Variants in PACRGL observed in about 807,000 individuals in gnomAD.
PACRGL encodes the protein PACRG-like protein.
Under a neutral mutation model 34.5 loss-of-function variants are expected in PACRGL, and 38 were observed. The observed-to-expected ratio is 1.10, with a 90% CI of 0.85 to 1.44. The LOEUF is 1.44. PACRGL is among the 40% of genes most tolerant of loss of function. The probability of loss-of-function intolerance (pLI) is 0.00; values close to 1 mark genes in which losing one functional copy is unlikely to be tolerated. For missense variants in PACRGL, 305 were observed against 281.4 expected (o/e 1.08, Z -0.60); for synonymous variants, 128 against 100.1 (o/e 1.28, Z -1.66).
intron 8 of PACRGL, among the ~76,000 whole-genome samples, chr4:20,750,927 A>G (rs1753499074): frequency 6.6e-6 from 1 of 151,916 alleles, no homozygotes; most frequent in Non-Finnish European, 1.5e-5. Context: ...TTACTTTATG[A>G]ATTGCTTTTT....
chr4:20,730,188 ATTTT>A lies in PACRGL; in HGVS notation c.*2848_*2851del, dbSNP rs1442930014. 7.0e-5 allele frequency: 107 copies of A among 1,539,128 alleles called. No homozygotes were observed. In the African/African-American group the frequency reaches 1.3e-3, roughly 19 times the overall value. The stretch of plus-strand genomic sequence containing the variant: ...GCATATCTGCAAGGAAAAGTACACT[ATTTT>A]GCCCCTGAGTATTGCCTCCTCCCAT... On this transcript the variant is annotated 3_prime_UTR_variant, in exon 9 of 9. Transcript: ENST00000503585.
In PACRGL at chr4:20,732,113, A is replaced by G. The variant is rs1340294169; in HGVS notation, c.*4772A>G. 1 of 1,335,386 alleles carries G rather than the reference A, an allele frequency of 7.5e-7. No individual in the cohort carries two copies. The highest frequency in any genetic ancestry group is 1.2e-5 in the South Asian group (1 of 84,748). The allele number at this position is 1,335,386 out of a possible 1,614,324, so 82.7% of individuals were successfully genotyped here. On this transcript the variant is annotated 3_prime_UTR_variant, in exon 9 of 9. Coordinates refer to ENST00000503585, the MANE Select transcript of PACRGL (RefSeq NM_001258345.3). The stretch of plus-strand genomic sequence containing the variant: ...AAATTGTATTTAGACTTATCCCTTA[A>G]TACCCTCACACCTGGACCAAATGAG...
In PACRGL at chr4:20,729,889, A is replaced by ATTATGAAAAGGATGCAAAT; in HGVS notation, c.*2553_*2571dup. On this transcript the variant is annotated 3_prime_UTR_variant, in exon 9 of 9. Coordinates refer to ENST00000503585, the MANE Select transcript of PACRGL (RefSeq NM_001258345.3). ...TAGACCATCCCCTGAACTCAGTGGC[A>ATTATGAAAAGGATGCAAAT]TTATGAAAAGGATGCAAATTTATAA... The ATTATGAAAAGGATGCAAAT allele has an allele frequency of 1.9e-6, 1 of 518,206 alleles. No homozygotes were observed. The highest frequency in any genetic ancestry group is 3.2e-6 in the Non-Finnish European group (1 of 308,238). The allele number at this position is 518,206 out of a possible 1,614,324, so 32.1% of individuals were successfully genotyped here.
chr4:20,733,530 G>C (rs891586837), downstream of PACRGL, among the ~76,000 whole-genome samples: 1 of 152,050 alleles, frequency 6.6e-6, no homozygotes, highest in Non-Finnish European at 1.5e-5. Context: ...AATTATAAAT[G>C]ATAGAGTAAT....
chr4:20,713,085 G>T, intron 6 of PACRGL, 163 bp downstream of exon 6: 1 of 715,684 alleles, frequency 1.4e-6, no homozygotes, highest in African/African-American at 1.8e-5. Flanking sequence ...CTGTTACTCA[G>T]GGCCAGATAA....
chr4:20,726,278 AT>A (rs1221983896), intron 8 of PACRGL, among the ~76,000 whole-genome samples: 3 of 151,694 alleles, frequency 2.0e-5, no homozygotes, highest in Non-Finnish European at 4.4e-5. Context: ...TCCCAGAAAT[AT>A]CAAATTCTTT....
intron 7 of PACRGL, among the ~76,000 whole-genome samples, chr4:20,718,593 T>A (rs180837848): frequency 4.6e-5 from 7 of 152,326 alleles, no homozygotes; most frequent in African/African-American, 1.7e-4. Context: ...ATAATCGTGG[T>A]TTTTGTCTTT....
chr4:20,745,612 A>C (rs1344737987), intron 8 of PACRGL, among the ~76,000 whole-genome samples: 1 of 152,184 alleles, frequency 6.6e-6, no homozygotes, highest in Non-Finnish European at 1.5e-5. Context: ...AAGTACAAAA[A>C]ATGATAAAGG....
chr4:20,725,352 TACAC>T (rs10584716), intron 8 of PACRGL, among the ~76,000 whole-genome samples: 48,132 of 150,262 alleles, frequency 0.32, 7,950 homozygotes, highest in African/African-American at 0.42. Flanking sequence ...CCCATAGGTG[TACAC>T]ACACACACAC....
At chr4:20,738,515 A>G (rs1392371596) in intron 8 of PACRGL, among the ~76,000 whole-genome samples, 1 of 152,172 alleles carries the variant, frequency 6.6e-6, no homozygotes, top group East Asian at 1.9e-4. Context: ...CAGGGATCAC[A>G]CTTTGAGAAT....
intron 7 of PACRGL, among the ~76,000 whole-genome samples, chr4:20,721,313 C>A (rs1743038457): frequency 1.3e-5 from 2 of 152,272 alleles, no homozygotes; most frequent in South Asian, 4.1e-4. Context: ...CTGAAGCCTT[C>A]TTTTGTCACC....
rs1283548407 is a variant in PACRGL, at chr4:20,732,191, C to A, written c.*4850C>A. On this transcript the variant is annotated 3_prime_UTR_variant, in exon 9 of 9. Coordinates refer to ENST00000503585, the MANE Select transcript of PACRGL (RefSeq NM_001258345.3). ...TGCTTATTTATTTCACGTGGAGGAA[C>A]TGTTTCAGAGCAGGAACCAGCAGTT... 2 of 685,328 alleles carry A rather than the reference C, an allele frequency of 2.9e-6. No individual in the cohort carries two copies. The highest frequency in any genetic ancestry group is 2.7e-5 in the East Asian group (1 of 37,206). The allele number at this position is 685,328 out of a possible 1,614,324, so 42.5% of individuals were successfully genotyped here.
At position 20,745,449 on chromosome 4, in the gene PACRGL, CTT is replaced by C. The variant is rs1195760607; in HGVS notation, c.*57-7115_*57-7114del. 1.1e-4 allele frequency among the ~76,000 whole-genome samples: 16 copies of C among 152,088 alleles called. No homozygotes were observed. The South Asian group carries it at 2.1e-3, about 20-fold the overall frequency. On this transcript the variant is annotated intron_variant, in intron 8 of 8. Transcript: ENST00000507634. ...TTTCGTGCAAAAGAAAAATGAGAAA[CTT>C]AATGTGGCTTATAAGACTTTTGCTC...
intron 8 of PACRGL, among the ~76,000 whole-genome samples, chr4:20,738,287 GTAA>G (rs1380804404): frequency 1.3e-5 from 2 of 152,296 alleles, no homozygotes; most frequent in African/African-American, 2.4e-5. Flanking sequence ...TCACAGCGTA[GTAA>G]TAATATGTCA....
At chr4:20,723,378 C>G (rs1171492114) in intron 7 of PACRGL, among the ~76,000 whole-genome samples, 1 of 152,088 alleles carries the variant, frequency 6.6e-6, no homozygotes. Flanking sequence ...CAGAAACAGG[C>G]ATGCTCTCAG....
downstream of PACRGL, among the ~76,000 whole-genome samples, chr4:20,736,787 G>A (rs146294254): frequency 2.7e-3 from 409 of 152,188 alleles, 1 homozygote; most frequent in African/African-American, 8.6e-3. Context: ...TAGCAAAAAT[G>A]AAAAAGACAA....
In PACRGL at chr4:20,741,605, C is replaced by T. The variant is rs190825888; in HGVS notation, c.*57-10960C>T. 1.7e-4 allele frequency among the ~76,000 whole-genome samples: 26 copies of T among 152,252 alleles called. No individual in the cohort carries two copies. In the East Asian group the frequency reaches 4.4e-3, roughly 26 times the overall value. On this transcript the variant is annotated intron_variant, in intron 8 of 8. Coordinates refer to the PACRGL transcript ENST00000507634. ...GGAAATTTATAGCACTCAAAGCCCACAAGAGAAAGCAGGAAAGATCTAAAA... is the reference window on the plus strand; with the variant it reads ...GGAAATTTATAGCACTCAAAGCCCATAAGAGAAAGCAGGAAAGATCTAAAA...
At chr4:20,714,043 T>C (rs1328693013) in intron 7 of PACRGL, among the ~76,000 whole-genome samples, 8 of 152,162 alleles carry the variant, frequency 5.3e-5, no homozygotes, top group South Asian at 2.1e-4. Flanking sequence ...GTTCAATTCC[T>C]GGGTATCCTT....
chr4:20,741,418 C>G (rs1194080116), intron 8 of PACRGL, among the ~76,000 whole-genome samples: 1 of 152,204 alleles, frequency 6.6e-6, no homozygotes, highest in Non-Finnish European at 1.5e-5. Flanking sequence ...TTGAAACTCA[C>G]TCAAAACTGC....
Sources: gnomAD v4.1 joint callset for allele counts (sites outside exome capture counted in the v4.1 genomes callset) on GRCh38, gnomAD v4.1.1 for gene constraint, MANE v1.5 for transcripts, NCBI Gene and HGNC (gene_info 2026-07-23, HGNC 2026-07-21) for gene names.